The following RAPGEF4 variants were observed in gnomAD, a reference collection of about 807,000 sequenced individuals.
RAPGEF4 encodes the protein RAP guanine-nucleotide-exchange factor (GEF) 4.
A neutral mutation model predicts 147.9 loss-of-function variants in RAPGEF4; 66 were observed. That is an observed-to-expected ratio of 0.45 (90% CI 0.37 to 0.55). The LOEUF is 0.55. Among genes scored for constraint, RAPGEF4 ranks in the 20% least tolerant of loss-of-function variants. The pLI is 0.00. For synonymous variants in RAPGEF4, 419 were observed against 442.7 expected, an observed-to-expected ratio of 0.95 and a Z score of 0.67; for missense variants, 1,071 against 1,257.3, an observed-to-expected ratio of 0.85 and a Z score of 2.24.
In RAPGEF4 at chr2:173,016,136, G is replaced by C. The variant is rs544014942; in HGVS notation, c.1810-213G>C. Among the ~76,000 whole-genome samples the C allele has an allele frequency of 5.8e-4, 89 of 152,234 alleles. 1 individual carries two copies. Among genetic ancestry groups the C allele is most frequent in the African/African-American group, 2.1e-3 (88 of 41,550 alleles). ...CATTTCTGATATCCGTGCAGTCATTGATTGCCACTATTTCCAAAATTTTTT... is the reference window on the plus strand; with the variant it reads ...CATTTCTGATATCCGTGCAGTCATTCATTGCCACTATTTCCAAAATTTTTT... On this transcript the variant is annotated intron_variant, in intron 18 of 30. Coordinates refer to ENST00000397081, the MANE Select transcript of RAPGEF4 (RefSeq NM_007023.4).
At chr2:172,777,909 AAGG>A (rs1684326063) in intron 1 of RAPGEF4, among the ~76,000 whole-genome samples, 2 of 152,184 alleles carry the variant, frequency 1.3e-5, no homozygotes, top group East Asian at 3.9e-4. Flanking sequence ...TCTGTGGGTG[AAGG>A]AGGTTAGTTT....
chr2:172,909,957 A>G (rs540865060), intron 4 of RAPGEF4, among the ~76,000 whole-genome samples: 2 of 152,190 alleles, frequency 1.3e-5, no homozygotes, highest in Non-Finnish European at 2.9e-5. Flanking sequence ...CCACCGCTGC[A>G]TGGGATAATC....
intron 4 of RAPGEF4, among the ~76,000 whole-genome samples, chr2:172,823,536 T>A (rs1689322879): frequency 6.6e-6 from 1 of 152,166 alleles, no homozygotes; most frequent in Non-Finnish European, 1.5e-5. Context: ...GACTGGGGGA[T>A]ACTGTTAAGC....
chr2:172,979,879 G>A (rs1316722151), intron 10 of RAPGEF4, among the ~76,000 whole-genome samples: 6 of 152,144 alleles, frequency 3.9e-5, no homozygotes, highest in South Asian at 2.1e-4. Context: ...TTAGCCAGAC[G>A]TGGTGGCATG....
chr2:172,948,553 C>T (rs191435404), intron 6 of RAPGEF4, among the ~76,000 whole-genome samples: 1 of 152,134 alleles, frequency 6.6e-6, no homozygotes, highest in Non-Finnish European at 1.5e-5. Context: ...CTAGAACTTC[C>T]TTGATCTAAA....
At chr2:172,904,625 A>C (rs1699428598) in intron 4 of RAPGEF4, among the ~76,000 whole-genome samples, 1 of 152,170 alleles carries the variant, frequency 6.6e-6, no homozygotes, top group African/African-American at 2.4e-5. Flanking sequence ...GTGCTTCAAC[A>C]AGAAATCAGG....
At chr2:172,822,096 AC>A in intron 4 of RAPGEF4, 1 of 1,257,728 alleles carries the variant, frequency 8.0e-7, no homozygotes, top group Non-Finnish European at 1.1e-6. Context: ...ATTATGTTCC[AC>A]CAGACCCAAA....
chr2:172,831,627 G>A (rs1690369378), intron 4 of RAPGEF4, among the ~76,000 whole-genome samples: 1 of 152,034 alleles, frequency 6.6e-6, no homozygotes, highest in Non-Finnish European at 1.5e-5. Flanking sequence ...TGAATTTTTA[G>A]TTATTAAGAA....
chr2:172,988,137 TA>T, intron 12 of RAPGEF4, 58 bp from the exon 13 acceptor site: 1 of 1,531,982 alleles, frequency 6.5e-7, no homozygotes, highest in Non-Finnish European at 8.7e-7. Flanking sequence ...TGATAAGCTG[TA>T]ATTTATATTG....
chr2:172,965,315 T>G, intron 8 of RAPGEF4: 1 of 515,268 alleles, frequency 1.9e-6, no homozygotes, highest in Non-Finnish European at 3.5e-6. Flanking sequence ...CCCCTGGTGC[T>G]ACAAGTTGTA....
chr2:172,780,861 T>G (rs944108096), intron 1 of RAPGEF4, among the ~76,000 whole-genome samples: 1 of 152,362 alleles, frequency 6.6e-6, no homozygotes, highest in Middle Eastern at 3.4e-3. Flanking sequence ...TAAAATATTG[T>G]AATTTTGATA....
At chr2:173,011,170 G>GCGCGCACACACACACACA (rs564434178) in intron 17 of RAPGEF4, among the ~76,000 whole-genome samples, 3 of 133,500 alleles carry the variant, frequency 2.2e-5, no homozygotes, top group African/African-American at 2.9e-5. Flanking sequence ...GCGCGCGCGC[G>GCGCGCACACACACACACA]CACACACACA....
intron 4 of RAPGEF4, among the ~76,000 whole-genome samples, chr2:172,863,886 T>G (rs567272543): frequency 1.3e-5 from 2 of 152,330 alleles, no homozygotes; most frequent in African/African-American, 4.8e-5. Flanking sequence ...CCACTTTTCA[T>G]GTTAATAATT....
At chr2:172,826,872 G>A (rs1256171970) in intron 4 of RAPGEF4, among the ~76,000 whole-genome samples, 2 of 151,920 alleles carry the variant, frequency 1.3e-5, no homozygotes, top group Non-Finnish European at 2.9e-5. Context: ...GCTGAGGTGG[G>A]AGGATCACGT....
At chr2:172,908,269 C>G (rs1699804299) in intron 4 of RAPGEF4, among the ~76,000 whole-genome samples, 1 of 152,246 alleles carries the variant, frequency 6.6e-6, no homozygotes, top group Non-Finnish European at 1.5e-5. Context: ...CTTTAAACTA[C>G]TTGACATAGA....
chr2:173,043,871 G>A (rs1685081730), intron 29 of RAPGEF4, among the ~76,000 whole-genome samples: 1 of 152,216 alleles, frequency 6.6e-6, no homozygotes. Context: ...AGGCCGAGGT[G>A]CAGACAGTGG....
At chr2:172,793,410 G>A (rs1446239802) in intron 1 of RAPGEF4, among the ~76,000 whole-genome samples, 2 of 152,174 alleles carry the variant, frequency 1.3e-5, no homozygotes, top group East Asian at 3.9e-4. Flanking sequence ...AGAGGCCCCC[G>A]GCTCTTATCA....
intron 4 of RAPGEF4, among the ~76,000 whole-genome samples, chr2:172,874,865 A>G (rs1484092351): frequency 3.3e-5 from 5 of 152,214 alleles, no homozygotes; most frequent in Admixed American, 1.3e-4. Flanking sequence ...TCCCACCAAC[A>G]GTGTAAAAGT....
intron 4 of RAPGEF4, among the ~76,000 whole-genome samples, chr2:172,881,434 G>A (rs62174616): frequency 0.1 from 15,866 of 152,232 alleles, 1,116 homozygotes; most frequent in Non-Finnish European, 0.16. Flanking sequence ...ATGTATTTAA[G>A]ACAGACAAAG....
Sources: gnomAD v4.1 joint callset for allele counts (sites outside exome capture counted in the v4.1 genomes callset) on GRCh38, gnomAD v4.1.1 for gene constraint, MANE v1.5 for transcripts, NCBI Gene and HGNC (gene_info 2026-07-23, HGNC 2026-07-21) for gene names.